The following SNX27 variants were observed in gnomAD, a reference collection of about 807,000 sequenced individuals.
The protein encoded by SNX27 is sorting nexin-27.
In SNX27, 22 loss-of-function variants were observed where a neutral mutation model predicts 71.6. The ratio of observed to expected loss-of-function variants is 0.31; its 90% CI spans 0.22 to 0.44. The LOEUF is 0.44. Among genes scored for constraint, SNX27 ranks in the 20% least tolerant of loss-of-function variants. The pLI, the probability that SNX27 is intolerant of heterozygous loss-of-function variation, is 1.00. For missense variants in SNX27, 531 were observed against 698.6 expected, an observed-to-expected ratio of 0.76 and a Z score of 2.70; for synonymous variants, 269 against 277.2, an observed-to-expected ratio of 0.97 and a Z score of 0.29.
intron 5 of SNX27, among the ~76,000 whole-genome samples, chr1:151,664,778 AG>A (rs1470060910): frequency 1.3e-5 from 2 of 152,190 alleles, no homozygotes; most frequent in East Asian, 3.8e-4. Flanking sequence ...TTTCAAGAAA[AG>A]TACTATTTTT....
At position 151,696,651 on chromosome 1, in the gene SNX27, G is replaced by GTTTTTTT. The variant is rs5777782; in HGVS notation, c.*2246_*2252dup. 15 of 113,658 alleles carry GTTTTTTT rather than the reference G, an allele frequency of 1.3e-4. No individual in the cohort carries two copies. Among genetic ancestry groups the GTTTTTTT allele is most frequent in the African/African-American group, 5.4e-4 (15 of 27,878 alleles). The allele number at this position is 113,658 out of a possible 1,614,324, so 7.0% of individuals were successfully genotyped here. ...CCCCTTCCTTCCTTCCTTTTTTTCTGTTTTTTTTTTTTTTTTTTCCCAGAG... is the reference window on the plus strand; with the variant it reads ...CCCCTTCCTTCCTTCCTTTTTTTCTGTTTTTTTTTTTTTTTTTTTTTTTTTCCCAGAG... On this transcript the variant is annotated 3_prime_UTR_variant, in exon 12 of 12. Transcript: ENST00000458013.
intron 7 of SNX27, chr1:151,676,073 C>A (rs1428007968): frequency 1.3e-5 from 2 of 150,768 alleles, no homozygotes; most frequent in Non-Finnish European, 3.0e-5. Flanking sequence ...CTCAGGCAAT[C>A]CTCCCAAAGT....
chr1:151,618,560 C>T (rs114290538), intron 1 of SNX27, among the ~76,000 whole-genome samples: 1 of 152,214 alleles, frequency 6.6e-6, no homozygotes, highest in Non-Finnish European at 1.5e-5. Flanking sequence ...TTTTTCCATC[C>T]ACCACTGACC....
chr1:151,666,055 T>C lies in SNX27; in HGVS notation c.985+44T>C, dbSNP rs1210475315. On this transcript the variant is annotated intron_variant, in intron 6 of 11. Coordinates refer to ENST00000458013, the MANE Select transcript of SNX27 (RefSeq NM_001330723.2). ...TACTAAGTTTTGTTTTCTAATACTA[T>C]GAGAAAGAAACATTTACCTAGAGAA... The C allele has an allele frequency of 7.4e-6, 11 of 1,484,444 alleles. 1 individual carries two copies. The Admixed American group carries it at 1.7e-4, about 24-fold the overall frequency. 92.0% of individuals were successfully genotyped at this position (1,484,444 alleles called of 1,614,324 possible). A position where few individuals can be genotyped will look rare whatever the true frequency, so the allele number is the denominator to read the frequency against.
intron 1 of SNX27, among the ~76,000 whole-genome samples, chr1:151,626,136 T>TA (rs1407275278): frequency 1.3e-5 from 2 of 150,250 alleles, no homozygotes; most frequent in African/African-American, 4.9e-5. Flanking sequence ...TTCAAAAAAA[T>TA]AAAAAATAAA....
At chr1:151,641,598 G>GATATATATATATATATATATATATATAT (rs56886589) in intron 2 of SNX27, among the ~76,000 whole-genome samples, 3 of 79,010 alleles carry the variant, frequency 3.8e-5, no homozygotes, top group South Asian at 5.5e-4. Flanking sequence ...TCCTTTATCA[G>GATATATATATATATATATATATATATAT]ATATATATAT....
At chr1:151,633,494 C>T (rs985111188) in intron 1 of SNX27, among the ~76,000 whole-genome samples, 1 of 152,014 alleles carries the variant, frequency 6.6e-6, no homozygotes, top group Non-Finnish European at 1.5e-5. Flanking sequence ...GATGGGGTTT[C>T]GCCTTGTTGC....
intron 1 of SNX27, among the ~76,000 whole-genome samples, chr1:151,622,049 G>T (rs1484734441): frequency 1.3e-5 from 2 of 152,168 alleles, no homozygotes; most frequent in Admixed American, 6.5e-5. Context: ...TTTGGAAAAG[G>T]TCCGACTGTA....
chr1:151,675,215 G>C (rs1670631199), intron 7 of SNX27, among the ~76,000 whole-genome samples: 1 of 150,642 alleles, frequency 6.6e-6, no homozygotes, highest in African/African-American at 2.4e-5. Flanking sequence ...ACAAAATTTT[G>C]TTCTGATTGT....
chr1:151,652,161 C>T (rs1440557299), intron 2 of SNX27, among the ~76,000 whole-genome samples: 2 of 129,130 alleles, frequency 1.5e-5, no homozygotes, highest in East Asian at 2.4e-4. Context: ...GCTTCGGCTC[C>T]GCATGAGAGG....
At chr1:151,651,228 G>A (rs1371815055) in intron 2 of SNX27, among the ~76,000 whole-genome samples, 1 of 150,370 alleles carries the variant, frequency 6.7e-6, no homozygotes, top group Non-Finnish European at 1.5e-5. Context: ...GCCGGGCGGG[G>A]GGCTGACCCC....
At chr1:151,616,767 ATTTG>A (rs1337944813) in intron 1 of SNX27, among the ~76,000 whole-genome samples, 2 of 152,168 alleles carry the variant, frequency 1.3e-5, no homozygotes, top group East Asian at 1.9e-4. Context: ...ATCAAAGGAA[ATTTG>A]TTTGGCAGCG....
chr1:151,639,572 C>T (rs780157846), intron 2 of SNX27, among the ~76,000 whole-genome samples: 9 of 152,190 alleles, frequency 5.9e-5, no homozygotes, highest in Non-Finnish European at 7.3e-5. Flanking sequence ...TTAGATGTCT[C>T]TACTCTTCTT....
rs779378055 is a variant in SNX27, at chr1:151,612,450, C to T, written c.249C>T (p.Ala83=). The T allele has an allele frequency of 1.3e-5, 19 of 1,437,408 alleles. 1 individual carries two copies. The highest frequency in any genetic ancestry group is 8.4e-5 in the East Asian group (3 of 35,680). 89.0% of individuals were successfully genotyped at this position (1,437,408 alleles called of 1,614,324 possible). Residue 83 remains alanine, a synonymous_variant, in exon 1 of 12, where the codon GCC becomes GCT. Transcript: ENST00000458013. This position sits in a 1 kb window ranked among gnomAD's most constrained non-coding sequence, Gnocchi z 5.2. ...ELYAPLQHVS[A]VLPGGAADRA... is the part of the protein sequence containing the mutation. The stretch of plus-strand genomic sequence containing the variant: ...ACGCGCCGCTGCAGCATGTGAGCGC[C>T]GTGCTGCCCGGGGGGGCGGCCGATC...
rs908237839 is a variant in SNX27 at position 151,696,669 on chromosome 1, T to TTTTTC, written c.*2252_*2253insTTTTC. On this transcript the variant is annotated 3_prime_UTR_variant, in exon 12 of 12. Transcript: ENST00000458013. ...TTTTTCTGTTTTTTTTTTTTTTTTT[T>TTTTTC]CCCAGAGTCTTGCTCTGTCGCCCAG... 6.0e-5 allele frequency: 7 copies of TTTTTC among 117,392 alleles called. No homozygotes were observed. The highest frequency in any genetic ancestry group is 2.5e-4 in the African/African-American group (6 of 23,804). 7.3% of individuals were successfully genotyped at this position (117,392 alleles called of 1,614,324 possible). A position where few individuals can be genotyped will look rare whatever the true frequency, so the allele number is the denominator to read the frequency against.
intron 7 of SNX27, among the ~76,000 whole-genome samples, chr1:151,673,737 T>C (rs555839519): frequency 3.3e-5 from 5 of 152,324 alleles, no homozygotes; most frequent in African/African-American, 1.2e-4. Flanking sequence ...TGCACATATA[T>C]TTAAAATTGT....
At chr1:151,656,067 C>CA (rs1435668192) in intron 2 of SNX27, among the ~76,000 whole-genome samples, 2 of 151,704 alleles carry the variant, frequency 1.3e-5, no homozygotes, top group Non-Finnish European at 2.9e-5. Flanking sequence ...ACTAAAAATA[C>CA]AAAAAATTAG....
chr1:151,647,758 G>T (rs4043649), intron 2 of SNX27, among the ~76,000 whole-genome samples: 11,755 of 130,328 alleles, frequency 0.09, 622 homozygotes, highest in South Asian at 0.11. Flanking sequence ...GCTGGAAGGG[G>T]TTTGATCTTC....
chr1:151,692,696 T>G, intron 9 of SNX27, 112 bp downstream of exon 9: 1 of 1,491,124 alleles, frequency 6.7e-7, no homozygotes, highest in Non-Finnish European at 9.1e-7. Context: ...AACTGTATTT[T>G]GACTGGGGCA....
Sources: gnomAD v4.1 joint callset for allele counts (sites outside exome capture counted in the v4.1 genomes callset) on GRCh38, gnomAD v4.1.1 for gene constraint, Gnocchi (gnomAD v3.1) non-coding constraint, MANE v1.5 for transcripts, NCBI Gene and HGNC (gene_info 2026-07-23, HGNC 2026-07-21) for gene names.